The following STAB2 variants were observed in gnomAD, a reference collection of about 807,000 sequenced individuals.
STAB2 encodes stabilin-2.
STAB2 carries 288 observed loss-of-function variants against 338.1 expected under a neutral mutation model. That is an observed-to-expected ratio of 0.85 (90% CI 0.77 to 0.94). STAB2 has a LOEUF of 0.94. Among genes scored for constraint, STAB2 ranks in the 40% least tolerant of loss-of-function variants. STAB2 has a pLI of 0.00. For synonymous variants in STAB2, 1,202 were observed against 1,193.3 expected (o/e 1.01, Z -0.15); for missense variants, 3,141 against 3,210.1 (o/e 0.98, Z 0.52).
chr12:103,753,181 G>A, intron 60 of STAB2, 39 bp from the exon 61 acceptor site: 1 of 1,608,756 alleles, frequency 6.2e-7, no homozygotes, highest in African/African-American at 1.3e-5. Context: ...TGCCAACCTG[G>A]TGGGCTGACC....
In STAB2 at chr12:103,755,434, G is replaced by A. The variant is rs201265382; in HGVS notation, c.6847G>A (p.Glu2283Lys). ...VDYGPRPNKSEMWDVFCYRMK... is the reference protein window; with the variant it reads ...VDYGPRPNKSKMWDVFCYRMK... ...CTATGGACCTAGACCCAACAAGAGT[G>A]AAATGTGGGATGTCTTCTGCTATCG... Residue 2283 changes from glutamate to lysine, a missense_variant, in exon 62 of 69, where the codon GAA becomes AAA. Physicochemically the swap from Glu to Lys is moderately conservative, Grantham distance 56. Coordinates refer to ENST00000388887, the MANE Select transcript of STAB2 (RefSeq NM_017564.10). The A allele has an allele frequency of 4.4e-5, 71 of 1,614,020 alleles. No individual in the cohort carries two copies. The highest frequency in any genetic ancestry group is 5.9e-5 in the Non-Finnish European group (70 of 1,180,026).
intron 38 of STAB2, among the ~76,000 whole-genome samples, chr12:103,707,374 T>A (rs1360045337): frequency 6.6e-6 from 1 of 152,214 alleles, no homozygotes; most frequent in Non-Finnish European, 1.5e-5. Flanking sequence ...CTTAGGTACA[T>A]GAGTATTGCT....
intron 24 of STAB2, among the ~76,000 whole-genome samples, 181 bp downstream of exon 24, chr12:103,676,202 C>T (rs747859168): frequency 1.3e-5 from 2 of 151,892 alleles, no homozygotes; most frequent in East Asian, 3.9e-4. Flanking sequence ...GCTGGGATTA[C>T]AGGCACGTGC....
Position 103,662,897 on chromosome 12 carries a change from A to G in STAB2, c.1921A>G (p.Lys641Glu). 1 of 1,614,214 alleles carries G rather than the reference A, an allele frequency of 6.2e-7. No homozygotes were observed. Among genetic ancestry groups the G allele is most frequent in the South Asian group, 1.1e-5 (1 of 91,086 alleles). The change falls in exon 18 of 69, where the codon AAA becomes GAA. Residue 641 changes from lysine (K) to glutamate (E), a missense_variant. Physicochemically the swap from Lys to Glu is moderately conservative, Grantham distance 56 (BLOSUM62 1). Coordinates refer to ENST00000388887, the MANE Select transcript of STAB2 (RefSeq NM_017564.10). ...VAMEEIEITA[K>E]NGRIYTLTGV... ...AATGGAAGAAATTGAGATCACTGCC[A>G]AAAATGGCCGAATTTACACACTGAC... is the stretch of plus-strand genomic sequence containing the variant.
intron 5 of STAB2, 143 bp downstream of exon 5, chr12:103,622,254 G>A (rs1282181181): frequency 3.9e-5 from 33 of 837,480 alleles, no homozygotes; most frequent in Non-Finnish European, 5.3e-5. Flanking sequence ...GAGTTTAATC[G>A]GGCAATGAAC....
At chr12:103,670,307 G>A (rs1179560779) in intron 21 of STAB2, among the ~76,000 whole-genome samples, 1 of 152,174 alleles carries the variant, frequency 6.6e-6, no homozygotes, top group African/African-American at 2.4e-5. Flanking sequence ...GAGGTGGGAG[G>A]CAAATATGTT....
Position 103,739,438 on chromosome 12 carries a change from T to C in STAB2, c.5724T>C (p.Thr1908=), listed in dbSNP as rs943947627. Reference sequence around the variant, plus strand: ...GGGAGTGTGGGAGCTGTGTCAATACTCCCAGCTGCCCAAGGTGGAGTAAAC... The same window carrying C: ...GGGAGTGTGGGAGCTGTGTCAATACCCCCAGCTGCCCAAGGTGGAGTAAAC... ...ASGECGSCVN[T]PSCPRWSKPK... Residue 1908 remains threonine, a synonymous_variant, in exon 54 of 69, where the codon ACT becomes ACC. Transcript: ENST00000388887. 1.3e-6 allele frequency: 2 copies of C among 1,595,848 alleles called. No homozygotes were observed. The highest frequency in any genetic ancestry group is 1.3e-5 in the African/African-American group (1 of 74,206).
intron 27 of STAB2, among the ~76,000 whole-genome samples, chr12:103,687,097 G>C (rs1877502768): frequency 6.6e-6 from 1 of 152,028 alleles, no homozygotes; most frequent in African/African-American, 2.4e-5. Flanking sequence ...ATGTAAATTT[G>C]CATAGGATCA....
intron 11 of STAB2, 97 bp from the exon 12 acceptor site, chr12:103,652,459 C>G (rs1873813058): frequency 8.3e-7 from 1 of 1,210,274 alleles, no homozygotes; most frequent in Non-Finnish European, 1.1e-6. Flanking sequence ...TTAGGGTGCC[C>G]TGGCTTTGAT....
intron 6 of STAB2, among the ~76,000 whole-genome samples, chr12:103,634,199 G>A (rs990257662): frequency 6.6e-6 from 1 of 151,918 alleles, no homozygotes; most frequent in Non-Finnish European, 1.5e-5. Context: ...GCGCCAAGGT[G>A]TCCCAAGGTA....
chr12:103,766,048 G>GTTGGGATGAT, intron 68 of STAB2: 1 of 665,076 alleles, frequency 1.5e-6, no homozygotes, highest in South Asian at 1.5e-5. Flanking sequence ...CTGCAGCCGA[G>GTTGGGATGAT]TTGGGATGAT....
intron 66 of STAB2, 96 bp from the exon 67 acceptor site, chr12:103,762,178 C>T (rs1029220104): frequency 2.0e-6 from 3 of 1,523,280 alleles, no homozygotes; most frequent in Non-Finnish European, 2.7e-6. Flanking sequence ...GTATTTTTAT[C>T]CCCACTGGCT....
At chr12:103,590,810 A>G in intron 1 of STAB2, 87 bp from the exon 2 acceptor site, 3 of 1,516,522 alleles carry the variant, frequency 2.0e-6, no homozygotes, top group Non-Finnish European at 2.7e-6. Flanking sequence ...GATTGGAGAC[A>G]TTCCAGTGGA....
At chr12:103,658,447 C>T (rs1052447742) in intron 15 of STAB2, among the ~76,000 whole-genome samples, 1 of 152,070 alleles carries the variant, frequency 6.6e-6, no homozygotes, top group Non-Finnish European at 1.5e-5. Context: ...GGGAGTGATG[C>T]GGATCAATTT....
chr12:103,621,502 G>A (rs1424739012), intron 4 of STAB2, among the ~76,000 whole-genome samples: 2 of 152,178 alleles, frequency 1.3e-5, no homozygotes, highest in Non-Finnish European at 2.9e-5. Context: ...GGAGGCCAAG[G>A]TGAGCAGATC....
At chr12:103,674,998 G>A (rs987025417) in intron 23 of STAB2, among the ~76,000 whole-genome samples, 1 of 152,298 alleles carries the variant, frequency 6.6e-6, no homozygotes, top group Admixed American at 6.5e-5. Context: ...ACAGAGGACT[G>A]TCGGCATGGG....
chr12:103,717,204 G>A (rs1304752321), intron 43 of STAB2, among the ~76,000 whole-genome samples: 2 of 152,206 alleles, frequency 1.3e-5, no homozygotes, highest in East Asian at 1.9e-4. Context: ...GCAGACATGG[G>A]ACATGGGACC....
At chr12:103,765,086 CAAAAA>C (rs56002429) in intron 68 of STAB2, among the ~76,000 whole-genome samples, 20,660 of 65,630 alleles carry the variant, frequency 0.31, 1,495 homozygotes, top group South Asian at 0.48. Context: ...GACTCTGTCT[CAAAAA>C]AAAAAAAAAA....
intron 3 of STAB2, among the ~76,000 whole-genome samples, chr12:103,616,563 G>A (rs1465574469): frequency 6.6e-6 from 1 of 152,214 alleles, no homozygotes; most frequent in Non-Finnish European, 1.5e-5. Context: ...TACCTGGGAG[G>A]ACATTTCTGC....
Sources: allele counts gnomAD v4.1 joint callset (sites outside exome capture counted in the v4.1 genomes callset), GRCh38; gene constraint gnomAD v4.1.1; transcripts MANE v1.5; gene names NCBI Gene and HGNC (gene_info 2026-07-23, HGNC 2026-07-21).